TMEM178A: variants seen among roughly 807,000 people sequenced by gnomAD.
TMEM178A encodes the protein transmembrane protein 178A.
Under a neutral mutation model 29.1 loss-of-function variants are expected in TMEM178A, and 12 were observed. The observed-to-expected ratio is 0.41, with a 90% confidence interval of 0.26 to 0.67. TMEM178A has a LOEUF of 0.67. TMEM178A is among the 30% of genes least tolerant of loss of function. TMEM178A has a pLI of 0.29. For missense variants in TMEM178A, 366 were observed against 419.1 expected, an observed-to-expected ratio of 0.87 and a Z score of 1.11; for synonymous variants, 210 against 187.2, an observed-to-expected ratio of 1.12 and a Z score of -0.99.
At chr2:39,665,524 GAA>G (rs1401860512), upstream of TMEM178A, 1 of 159,614 alleles carries the variant, frequency 6.3e-6, no homozygotes, top group Non-Finnish European at 1.4e-5. Flanking sequence ...AAGAGTTGGA[GAA>G]AAGTCGGGGG....
chr2:39,708,512 G>C (rs1332996403), intron 3 of TMEM178A, among the ~76,000 whole-genome samples: 1 of 132,722 alleles, frequency 7.5e-6, no homozygotes, highest in Non-Finnish European at 1.5e-5. Context: ...TCCGCCTCCC[G>C]GGTTCACGCC....
rs1454661893 is a variant in TMEM178A at position 39,676,282 on chromosome 2, G to A, written c.400+9908G>A. Among the ~76,000 whole-genome samples the A allele has an allele frequency of 3.3e-5, 5 of 152,332 alleles. No individual in the cohort carries two copies. In the East Asian group the frequency reaches 9.6e-4, roughly 29 times the overall value. ...TATTATCTTGTGTAACAGGACGTTT[G>A]GAGAAAGCCTGCATGTGGCTAGTTA... On this transcript the variant is annotated intron_variant, in intron 1 of 3. Transcript: ENST00000281961.
At chr2:39,696,573 C>T (rs945763406) in intron 1 of TMEM178A, among the ~76,000 whole-genome samples, 2 of 152,180 alleles carry the variant, frequency 1.3e-5, no homozygotes, top group South Asian at 4.1e-4. Context: ...CAGTAATTTG[C>T]CACAAGTCAC....
chr2:39,733,058 T>C, the TMEM178A span, among the ~76,000 whole-genome samples: 1 of 152,200 alleles, frequency 6.6e-6, no homozygotes, highest in African/African-American at 2.4e-5. Context: ...AAAGCCATTA[T>C]GGGTATTCTG....
the TMEM178A span, among the ~76,000 whole-genome samples, chr2:39,724,720 T>C: frequency 6.6e-6 from 1 of 152,144 alleles, no homozygotes; most frequent in South Asian, 2.1e-4. Context: ...GAAACTATAA[T>C]GGTCATCTCT....
At chr2:39,678,140 A>T (rs1670707811) in intron 1 of TMEM178A, among the ~76,000 whole-genome samples, 1 of 152,192 alleles carries the variant, frequency 6.6e-6, no homozygotes, top group African/African-American at 2.4e-5. Flanking sequence ...ATACAATGTT[A>T]TGTCTTTCCT....
the TMEM178A span, among the ~76,000 whole-genome samples, chr2:39,735,163 C>G: frequency 1.4e-4 from 21 of 152,306 alleles, no homozygotes; most frequent in Admixed American, 8.5e-4. Flanking sequence ...CCCATCTCAT[C>G]TAATATACCA....
intron 1 of TMEM178A, among the ~76,000 whole-genome samples, chr2:39,671,655 T>G (rs1448770913): frequency 6.6e-6 from 1 of 152,256 alleles, no homozygotes; most frequent in Non-Finnish European, 1.5e-5. Flanking sequence ...GCATGGACTG[T>G]ACTGACACAT....
At chr2:39,730,500 C>A in the TMEM178A span, among the ~76,000 whole-genome samples, 2 of 152,150 alleles carry the variant, frequency 1.3e-5, no homozygotes, top group African/African-American at 2.4e-5. Flanking sequence ...AGCTGACAGA[C>A]CAAATCCAGA....
At chr2:39,687,805 C>A (rs1391536183) in intron 1 of TMEM178A, among the ~76,000 whole-genome samples, 1 of 152,226 alleles carries the variant, frequency 6.6e-6, no homozygotes, top group East Asian at 1.9e-4. Context: ...TGTCCTTGTT[C>A]ACTTGAAAGG....
At chr2:39,667,180 A>G (rs1670204638) in intron 1 of TMEM178A, among the ~76,000 whole-genome samples, 1 of 152,146 alleles carries the variant, frequency 6.6e-6, no homozygotes, top group African/African-American at 2.4e-5. Context: ...AGATTTGGGC[A>G]CTCACTCTCT....
At chr2:39,674,628 T>C (rs931353489) in intron 1 of TMEM178A, among the ~76,000 whole-genome samples, 66 of 152,174 alleles carry the variant, frequency 4.3e-4, no homozygotes, top group Admixed American at 4.3e-3. Context: ...CTTACTCATG[T>C]AACAAATACC....
At chr2:39,713,798 A>G (rs185520448) in intron 3 of TMEM178A, among the ~76,000 whole-genome samples, 3 of 152,308 alleles carry the variant, frequency 2.0e-5, no homozygotes, top group Admixed American at 2.0e-4. Context: ...AGAATTCCAC[A>G]CTCTCAACAT....
intron 1 of TMEM178A, among the ~76,000 whole-genome samples, chr2:39,692,112 T>C (rs1671339577): frequency 1.3e-5 from 2 of 152,026 alleles, no homozygotes; most frequent in Non-Finnish European, 2.9e-5. Context: ...TTCAAACTCA[T>C]AAAAGCAGAG....
At chr2:39,665,854 G>A, upstream of TMEM178A, 1 of 931,560 alleles carries the variant, frequency 1.1e-6, no homozygotes, top group Non-Finnish European at 1.4e-6. Flanking sequence ...GGAGGCCGTA[G>A]GAGGGAGGTG....
intron 1 of TMEM178A, among the ~76,000 whole-genome samples, chr2:39,679,396 TA>T (rs11384138): frequency 1.3e-5 from 2 of 150,898 alleles, no homozygotes; most frequent in Admixed American, 6.6e-5. Context: ...TACTTGGTGT[TA>T]AAAAAAAAGT....
the TMEM178A span, among the ~76,000 whole-genome samples, chr2:39,728,779 G>GT: frequency 3.3e-5 from 5 of 151,804 alleles, no homozygotes; most frequent in African/African-American, 7.3e-5. Context: ...ACCCCTACAC[G>GT]TTTTTTCTTT....
chr2:39,703,888 C>A (rs1041568306), intron 1 of TMEM178A, among the ~76,000 whole-genome samples, 193 bp from the exon 2 acceptor site: 1 of 152,180 alleles, frequency 6.6e-6, no homozygotes, highest in Non-Finnish European at 1.5e-5. Flanking sequence ...GATCCTTATA[C>A]AATTTAATAC....
rs542829844 is a variant in TMEM178A, at chr2:39,711,463, G to A, written c.652+4277G>A. On this transcript the variant is annotated intron_variant, in intron 3 of 3. Coordinates refer to ENST00000281961, the MANE Select transcript of TMEM178A (RefSeq NM_152390.3). ...CCTTGGTGGGGGTCTCACTGCTCAC[G>A]AAATTCATTCACCTTCACAGGCTGT... 9.2e-4 allele frequency among the ~76,000 whole-genome samples: 140 copies of A among 152,190 alleles called. 2 individuals are homozygous for A. The highest frequency in any genetic ancestry group is 1.7e-3 in the Non-Finnish European group (113 of 68,010).
Sources: gnomAD v4.1 joint callset for allele counts (sites outside exome capture counted in the v4.1 genomes callset) on GRCh38, gnomAD v4.1.1 for gene constraint, MANE v1.5 for transcripts, NCBI Gene and HGNC (gene_info 2026-07-23, HGNC 2026-07-21) for gene names.